PCDHB14: variants seen among roughly 807,000 people sequenced by gnomAD.
PCDHB14 encodes the protein protocadherin beta-14.
For missense variants in PCDHB14, 1,129 were observed against 1,000.5 expected (o/e 1.13, Z -1.73); for synonymous variants, 511 against 441.5 (o/e 1.16, Z -1.97).
At position 141,224,715 on chromosome 5, in the gene PCDHB14, G is replaced by C; in HGVS notation, c.1210G>C (p.Val404Leu). ...GACCTTCAAGAACTTTTTCACTCTA[G>C]TTTCTGAAAAAGCACTGGACAGAGA... Reference protein sequence around the residue: ...KPTFKNFFTLVSEKALDRESQ... With the variant: ...KPTFKNFFTLLSEKALDRESQ... Residue 404 changes from valine (V) to leucine (L), a missense_variant, in exon 1 of 1, where the codon GTT becomes CTT. Physicochemically the swap from Val to Leu is conservative, Grantham distance 32. Transcript: ENST00000239449. The C allele has an allele frequency of 1.9e-6, 3 of 1,614,020 alleles. No individual in the cohort carries two copies. Among genetic ancestry groups the C allele is most frequent in the Non-Finnish European group, 1.7e-6 (2 of 1,179,978 alleles).
Position 141,225,079 on chromosome 5 carries a change from A to G in PCDHB14, c.1574A>G (p.Gln525Arg). ...AGGTCGCTGGACTACGAGGCCCTAC[A>G]GGAGTTCGAGTTTCGCGTGGGCGCC... ...ALRSLDYEALQEFEFRVGATD... is the reference protein window; with the variant it reads ...ALRSLDYEALREFEFRVGATD... Residue 525 changes from glutamine to arginine, a missense_variant, in exon 1 of 1, where the codon CAG (glutamine) becomes CGG (arginine). Coordinates refer to ENST00000239449, the MANE Select transcript of PCDHB14 (RefSeq NM_018934.4). The G allele has an allele frequency of 2.5e-6, 4 of 1,612,334 alleles. No individual in the cohort carries two copies. The highest frequency in any genetic ancestry group is 3.4e-6 in the Non-Finnish European group (4 of 1,179,890).
chr5:141,225,579 G>T lies in PCDHB14; in HGVS notation c.2074G>T (p.Val692Leu). The change falls in exon 1 of 1, where the codon GTG (valine) becomes TTG (leucine). Residue 692 changes from valine to leucine, a missense_variant. By Grantham distance (32) the Val-to-Leu change is conservative. Transcript: ENST00000239449. ...CGACTCCCTCACCGTCTACCTGGTGGTGGCATTGGCCTCGGTGTCGTCGCT... is the reference window on the plus strand; with the variant it reads ...CGACTCCCTCACCGTCTACCTGGTGTTGGCATTGGCCTCGGTGTCGTCGCT... ...QADSLTVYLV[V>L]ALASVSSLFL... 6.2e-7 allele frequency: 1 copy of T among 1,611,390 alleles called. No individual in the cohort carries two copies. The highest frequency in any genetic ancestry group is 8.5e-7 in the Non-Finnish European group (1 of 1,179,820).
rs372571241 is a variant in PCDHB14, at chr5:141,223,790, G to A, written c.285G>A (p.Leu95=). 1.2e-6 allele frequency: 2 copies of A among 1,613,914 alleles called. No individual in the cohort carries two copies. Among genetic ancestry groups the A allele is most frequent in the African/African-American group, 1.3e-5 (1 of 74,860 alleles). ...LLNEKLDRDE[L]CGSTEPCVLH... ...ATGAGAAACTAGACCGAGACGAGCT[G>A]TGTGGCTCCACCGAGCCCTGTGTGC... Residue 95 remains leucine (L), a synonymous_variant, in exon 1 of 1, where the codon CTG becomes CTA. Transcript: ENST00000239449.
In PCDHB14 at chr5:141,223,509, G is replaced by A; in HGVS notation, c.4G>A (p.Glu2Lys). 1 of 1,600,068 alleles carries A rather than the reference G, an allele frequency of 6.2e-7. No individual in the cohort carries two copies. Among genetic ancestry groups the A allele is most frequent in the Non-Finnish European group, 8.5e-7 (1 of 1,171,544 alleles). Residue 2 changes from glutamate (E) to lysine (K), a missense_variant, in exon 1 of 1, where the codon GAG (glutamate) becomes AAG (lysine). Coordinates refer to ENST00000239449, the MANE Select transcript of PCDHB14 (RefSeq NM_018934.4). M[E>K]IRGALDLRKR... ...CAAGAGATTGCCTAAAGGAACCATG[G>A]AGATCAGAGGGGCACTCGATCTGCG...
rs149933809 is a variant in PCDHB14 at position 141,224,903 on chromosome 5, C to A, written c.1398C>A (p.Pro466=). 6 of 1,613,188 alleles carry A rather than the reference C, an allele frequency of 3.7e-6. No homozygotes were observed. The highest frequency in any genetic ancestry group is 5.1e-6 in the Non-Finnish European group (6 of 1,180,036). ...YTLFVRENNS[P]ALHIGSVSAT... ...TGTTCGTCCGCGAGAACAACAGCCC[C>A]GCCCTGCACATCGGCAGCGTCAGCG... Residue 466 remains proline (P), a synonymous_variant, in exon 1 of 1, where the codon CCC becomes CCA. Coordinates refer to ENST00000239449, the MANE Select transcript of PCDHB14 (RefSeq NM_018934.4).
Position 141,224,368 on chromosome 5 carries a change from T to G in PCDHB14, c.863T>G (p.Ile288Ser). 1.2e-6 allele frequency: 2 copies of G among 1,607,908 alleles called. No homozygotes were observed. The highest frequency in any genetic ancestry group is 2.2e-5 in the South Asian group (2 of 89,538). The change falls in exon 1 of 1, where the codon ATT (isoleucine) becomes AGT (serine). Residue 288 changes from isoleucine (I) to serine (S), a missense_variant. Transcript: ENST00000239449. Reference protein sequence around the residue: ...SYTFFHASEDIRKTFEINPIS... With the variant: ...SYTFFHASEDSRKTFEINPIS... Reference sequence around the variant, plus strand: ...ACATTTTTCCATGCATCAGAAGATATTCGTAAAACATTTGAAATTAATCCA... The same window carrying G: ...ACATTTTTCCATGCATCAGAAGATAGTCGTAAAACATTTGAAATTAATCCA...
Position 141,225,782 on chromosome 5 carries a change from C to T in PCDHB14, c.2277C>T (p.Ser759=), listed in dbSNP as rs1204738782. The T allele has an allele frequency of 3.1e-6, 5 of 1,614,198 alleles. No individual in the cohort carries two copies. Among genetic ancestry groups the T allele is most frequent in the Non-Finnish European group, 2.5e-6 (3 of 1,180,040 alleles). ...ACGAGGTGTGTCTGACAGGAGGTTC[C>T]GGGACAAATGAGTTCAAATTTCTGA... ...YQYEVCLTGG[S]GTNEFKFLKP... is the part of the protein sequence containing the mutation. Residue 759 remains serine, a synonymous_variant, in exon 1 of 1, where the codon TCC becomes TCT. Coordinates refer to ENST00000239449, the MANE Select transcript of PCDHB14 (RefSeq NM_018934.4).
In PCDHB14 at chr5:141,225,151, T is replaced by C; in HGVS notation, c.1646T>C (p.Val549Ala). The C allele has an allele frequency of 1.9e-6, 3 of 1,611,384 alleles. No individual in the cohort carries two copies. The highest frequency in any genetic ancestry group is 2.5e-6 in the Non-Finnish European group (3 of 1,179,656). ...PALSSEALVR[V>A]LVLDANDNSP... ...TTGAGCAGCGAGGCGCTGGTGCGCG[T>C]GCTGGTGCTGGACGCCAACGACAAC... is the stretch of plus-strand genomic sequence containing the variant. The change falls in exon 1 of 1, where the codon GTG (valine) becomes GCG (alanine). Residue 549 changes from valine to alanine, a missense_variant. By Grantham distance (64) the Val-to-Ala change is moderately conservative. Coordinates refer to ENST00000239449, the MANE Select transcript of PCDHB14 (RefSeq NM_018934.4).
rs1435074003 is a variant in PCDHB14 at position 141,227,104 on chromosome 5, T to G, written c.*1202T>G. ...GCTTTGGCCTCCCAACGTGCTAGGATTACAGGCATGAGCCATTACGTCTGG... is the reference window on the plus strand; with the variant it reads ...GCTTTGGCCTCCCAACGTGCTAGGAGTACAGGCATGAGCCATTACGTCTGG... On this transcript the variant is annotated 3_prime_UTR_variant, in exon 1 of 1. Coordinates refer to ENST00000239449, the MANE Select transcript of PCDHB14 (RefSeq NM_018934.4). 1 of 152,250 alleles carries G rather than the reference T, an allele frequency of 6.6e-6. No homozygotes were observed. Among genetic ancestry groups the G allele is most frequent in the Non-Finnish European group, 1.5e-5 (1 of 68,058 alleles). 9.4% of individuals were successfully genotyped at this position (152,250 alleles called of 1,614,324 possible). A position where few individuals can be genotyped will look rare whatever the true frequency, so the allele number is the denominator to read the frequency against.
Position 141,224,342 on chromosome 5 carries a change from C to T in PCDHB14, c.837C>T (p.Tyr279=). 4 of 1,611,806 alleles carry T rather than the reference C, an allele frequency of 2.5e-6. No homozygotes were observed. The highest frequency in any genetic ancestry group is 3.4e-6 in the Non-Finnish European group (4 of 1,179,034). ...CAGGAAACTATGGAAAAATATCTTA[C>T]ACATTTTTCCATGCATCAGAAGATA... ...LDAGNYGKIS[Y]TFFHASEDIR... Residue 279 remains tyrosine (Y), a synonymous_variant, in exon 1 of 1, where the codon TAC becomes TAT. Transcript: ENST00000239449.
In PCDHB14 at chr5:141,223,904, T is replaced by G. The variant is rs782592008; in HGVS notation, c.399T>G (p.Phe133Leu). Reference protein sequence around the residue: ...VKDINDHSPTFLDKEILIKIS... With the variant: ...VKDINDHSPTLLDKEILIKIS... ...ACATAAATGATCACTCCCCTACATT[T>G]CTAGACAAGGAAATACTTATTAAAA... is the stretch of plus-strand genomic sequence containing the variant. Residue 133 changes from phenylalanine (F) to leucine (L), a missense_variant, in exon 1 of 1, where the codon TTT (phenylalanine) becomes TTG (leucine). Coordinates refer to ENST00000239449, the MANE Select transcript of PCDHB14 (RefSeq NM_018934.4). 5 of 1,613,880 alleles carry G rather than the reference T, an allele frequency of 3.1e-6. No individual in the cohort carries two copies. The highest frequency in any genetic ancestry group is 4.2e-6 in the Non-Finnish European group (5 of 1,179,910).
At position 141,226,021 on chromosome 5, in the gene PCDHB14, T is replaced by A; in HGVS notation, c.*119T>A. 1 of 885,174 alleles carries A rather than the reference T, an allele frequency of 1.1e-6. No homozygotes were observed. The highest frequency in any genetic ancestry group is 1.7e-6 in the Non-Finnish European group (1 of 583,774). The allele number at this position is 885,174 out of a possible 1,614,324, so 54.8% of individuals were successfully genotyped here. ...GTTGCATGCATGATTATAGCTCTTG[T>A]TTTTCTCACAGTTTCTTTAAAAATC... On this transcript the variant is annotated 3_prime_UTR_variant, in exon 1 of 1. Transcript: ENST00000239449.
chr5:141,224,360 A>G lies in PCDHB14; in HGVS notation c.855A>G (p.Ser285=), dbSNP rs781880111. 1.5e-5 allele frequency: 24 copies of G among 1,609,630 alleles called. No homozygotes were observed. The highest frequency in any genetic ancestry group is 2.0e-5 in the Non-Finnish European group (23 of 1,178,724). The part of the protein sequence containing the change: ...GKISYTFFHA[S]EDIRKTFEIN... ...TATCTTACACATTTTTCCATGCATC[A>G]GAAGATATTCGTAAAACATTTGAAA... The change falls in exon 1 of 1, where the codon TCA becomes TCG. Residue 285 remains serine (S), a synonymous_variant. Coordinates refer to ENST00000239449, the MANE Select transcript of PCDHB14 (RefSeq NM_018934.4).
Position 141,225,014 on chromosome 5 carries a change from G to C in PCDHB14, c.1509G>C (p.Leu503Phe). 1.2e-6 allele frequency: 2 copies of C among 1,612,604 alleles called. No homozygotes were observed. Among genetic ancestry groups the C allele is most frequent in the Non-Finnish European group, 1.7e-6 (2 of 1,180,030 alleles). Reference protein sequence around the residue: ...PQDRHLPLASLVSINADNGHL... With the variant: ...PQDRHLPLASFVSINADNGHL... ...ACCGGCACCTGCCCCTCGCCTCCTT[G>C]GTCTCCATCAACGCGGACAATGGCC... Residue 503 changes from leucine (L) to phenylalanine (F), a missense_variant, in exon 1 of 1, where the codon TTG becomes TTC. Transcript: ENST00000239449.
In PCDHB14 at chr5:141,223,810, G is replaced by A. The variant is rs1554289048; in HGVS notation, c.305G>A (p.Cys102Tyr). The change falls in exon 1 of 1, where the codon TGT (cysteine) becomes TAT (tyrosine). Residue 102 changes from cysteine (C) to tyrosine (Y), a missense_variant. Coordinates refer to ENST00000239449, the MANE Select transcript of PCDHB14 (RefSeq NM_018934.4). ...GAGCTGTGTGGCTCCACCGAGCCCT[G>A]TGTGCTGCATTTTCAGGTGGTTTTG... is the stretch of plus-strand genomic sequence containing the variant. Reference protein sequence around the residue: ...RDELCGSTEPCVLHFQVVLEN... With the variant: ...RDELCGSTEPYVLHFQVVLEN... 2 of 1,613,900 alleles carry A rather than the reference G, an allele frequency of 1.2e-6. No individual in the cohort carries two copies. Among genetic ancestry groups the A allele is most frequent in the Admixed American group, 3.3e-5 (2 of 59,982 alleles).
At position 141,227,684 on chromosome 5, in the gene PCDHB14, T is replaced by C. The variant is rs1301298214; in HGVS notation, c.*1782T>C. 1 of 152,216 alleles carries C rather than the reference T, an allele frequency of 6.6e-6. No homozygotes were observed. The highest frequency in any genetic ancestry group is 1.9e-4 in the East Asian group (1 of 5,198). The allele number at this position is 152,216 out of a possible 1,614,324, so 9.4% of individuals were successfully genotyped here. On this transcript the variant is annotated 3_prime_UTR_variant, in exon 1 of 1. Coordinates refer to ENST00000239449, the MANE Select transcript of PCDHB14 (RefSeq NM_018934.4). ...TTATGCAATTATCACTGATTTTATT[T>C]TTCGTTGTAACAAGTAGTTATTTGT...
rs1754838667 is a variant in PCDHB14, at chr5:141,225,577, T to C, written c.2072T>C (p.Val691Ala). Residue 691 changes from valine (V) to alanine (A), a missense_variant, in exon 1 of 1, where the codon GTG (valine) becomes GCG (alanine). Val to Ala is a moderately conservative substitution (Grantham distance 64). Transcript: ENST00000239449. Reference sequence around the variant, plus strand: ...GCCGACTCCCTCACCGTCTACCTGGTGGTGGCATTGGCCTCGGTGTCGTCG... The same window carrying C: ...GCCGACTCCCTCACCGTCTACCTGGCGGTGGCATTGGCCTCGGTGTCGTCG... ...AQADSLTVYL[V>A]VALASVSSLF... is the part of the protein sequence containing the mutation. 4 of 1,611,210 alleles carry C rather than the reference T, an allele frequency of 2.5e-6. No homozygotes were observed. Among genetic ancestry groups the C allele is most frequent in the Non-Finnish European group, 3.4e-6 (4 of 1,179,826 alleles).
At position 141,225,363 on chromosome 5, in the gene PCDHB14, C is replaced by CT. The variant is rs1330810358; in HGVS notation, c.1858_1859insT (p.His620LeufsTer56). 1 of 1,603,474 alleles carries CT rather than the reference C, an allele frequency of 6.2e-7. No homozygotes were observed. Among genetic ancestry groups the CT allele is most frequent in the East Asian group, 2.2e-5 (1 of 44,868 alleles). On this transcript the variant is annotated frameshift_variant, in exon 1 of 1. Transcript: ENST00000239449. LOFTEE classifies it low-confidence loss of function (END_TRUNC). ...GCCCGGGCTGTTCGGCGTGTGGGCGCACAATGGCGAGGTGCGCACCGCCAG... is the reference window on the plus strand; with the variant it reads ...GCCCGGGCTGTTCGGCGTGTGGGCGCTACAATGGCGAGGTGCGCACCGCCAG...
chr5:141,224,868 T>C lies in PCDHB14; in HGVS notation c.1363T>C (p.Ser455Pro). 1.2e-6 allele frequency: 2 copies of C among 1,613,118 alleles called. No homozygotes were observed. The highest frequency in any genetic ancestry group is 1.7e-6 in the Non-Finnish European group (2 of 1,179,926). The stretch of plus-strand genomic sequence containing the variant: ...CAACGCCCCCACCTTCACCCAAACC[T>C]CCTACACCCTGTTCGTCCGCGAGAA... ...NDNAPTFTQT[S>P]YTLFVRENNS... Residue 455 changes from serine to proline, a missense_variant, in exon 1 of 1, where the codon TCC becomes CCC. Transcript: ENST00000239449.
Sources: gnomAD v4.1 joint callset for allele counts on GRCh38, gnomAD v4.1.1 for gene constraint, MANE v1.5 for transcripts, NCBI Gene and HGNC (gene_info 2026-07-23, HGNC 2026-07-21) for gene names.